ME3: variants seen among roughly 807,000 people sequenced by gnomAD.
ME3 encodes NADP-dependent malic enzyme, mitochondrial.
A neutral mutation model predicts 68.9 loss-of-function variants in ME3; 48 were observed. The ratio of observed to expected loss-of-function variants is 0.70; its 90% CI spans 0.55 to 0.89. The LOEUF is 0.89. Ranked by LOEUF, ME3 falls within the 40% of genes least tolerant of loss-of-function variation. ME3 has a pLI of 0.00. For missense variants in ME3, 675 were observed against 797.4 expected, an observed-to-expected ratio of 0.85 and a Z score of 1.85; for synonymous variants, 320 against 318.8, an observed-to-expected ratio of 1.00 and a Z score of -0.04.
intron 7 of ME3, among the ~76,000 whole-genome samples, chr11:86,481,781 G>C (rs1951424958): frequency 6.6e-6 from 1 of 152,146 alleles, no homozygotes; most frequent in African/African-American, 2.4e-5. Flanking sequence ...AGGATCAGCT[G>C]GCATGAGTGC....
intron 2 of ME3, among the ~76,000 whole-genome samples, chr11:86,617,951 A>G (rs1047828942): frequency 2.0e-5 from 3 of 152,190 alleles, no homozygotes; most frequent in South Asian, 4.1e-4. Context: ...ATAAATGAGC[A>G]TGGCCAGAAA....
intron 2 of ME3, among the ~76,000 whole-genome samples, chr11:86,604,916 C>T (rs953366543): frequency 6.6e-6 from 1 of 152,118 alleles, no homozygotes; most frequent in Non-Finnish European, 1.5e-5. Context: ...AGTGCATTCA[C>T]AATGGTTTCA....
intron 4 of ME3, among the ~76,000 whole-genome samples, chr11:86,527,641 G>A (rs1161441969): frequency 6.6e-6 from 1 of 152,216 alleles, no homozygotes; most frequent in Non-Finnish European, 1.5e-5. Context: ...AAGCCCATCA[G>A]ACTAACAGCT....
At chr11:86,553,354 G>A (rs1956785815) in intron 4 of ME3, among the ~76,000 whole-genome samples, 1 of 152,244 alleles carries the variant, frequency 6.6e-6, no homozygotes, top group African/African-American at 2.4e-5. Flanking sequence ...AACCTGGCAG[G>A]AGTGTTTATC....
chr11:86,538,786 A>T (rs1955855231), intron 4 of ME3, among the ~76,000 whole-genome samples: 1 of 152,092 alleles, frequency 6.6e-6, no homozygotes, highest in Admixed American at 6.6e-5. Context: ...GTGCATCATG[A>T]TCCCTGACCC....
chr11:86,529,032 C>A (rs1198650889), intron 4 of ME3, among the ~76,000 whole-genome samples: 2 of 151,860 alleles, frequency 1.3e-5, no homozygotes, highest in African/African-American at 4.8e-5. Context: ...GAGAGAGAGA[C>A]ACAAAAAACC....
chr11:86,617,048 T>TTTTTTTTG (rs1943014210), intron 2 of ME3, among the ~76,000 whole-genome samples: 9 of 45,614 alleles, frequency 2.0e-4, no homozygotes, highest in Non-Finnish European at 3.0e-4. Context: ...GATAGTAGTT[T>TTTTTTTTG]TTTTTTTTTT....
intron 2 of ME3, among the ~76,000 whole-genome samples, chr11:86,597,135 G>A (rs1026266348): frequency 6.6e-6 from 1 of 152,218 alleles, no homozygotes. Context: ...TCCCAGACTT[G>A]CGAATGACAT....
chr11:86,503,652 G>A (rs1389158628), intron 5 of ME3, among the ~76,000 whole-genome samples: 5 of 152,250 alleles, frequency 3.3e-5, no homozygotes, highest in African/African-American at 1.2e-4. Context: ...CTCTGACAAT[G>A]AGCACAGAGT....
At chr11:86,584,591 A>G (rs879780289) in intron 2 of ME3, among the ~76,000 whole-genome samples, 2 of 152,222 alleles carry the variant, frequency 1.3e-5, no homozygotes, top group Non-Finnish European at 2.9e-5. Flanking sequence ...GCATATACAT[A>G]AAATGGAATA....
intron 4 of ME3, among the ~76,000 whole-genome samples, chr11:86,525,876 AAAAG>A (rs941741574): frequency 6.6e-6 from 1 of 151,876 alleles, no homozygotes; most frequent in African/African-American, 2.4e-5. Context: ...AAAAAAAAAA[AAAAG>A]GAGAGGGTGG....
chr11:86,573,944 T>C (rs1489744050), intron 2 of ME3, among the ~76,000 whole-genome samples: 3 of 152,198 alleles, frequency 2.0e-5, no homozygotes, highest in African/African-American at 7.2e-5. Context: ...TATTGATTTA[T>C]GTATGTTGAA....
intron 4 of ME3, among the ~76,000 whole-genome samples, chr11:86,536,224 A>T (rs112578873): frequency 2.0e-5 from 3 of 152,052 alleles, no homozygotes; most frequent in African/African-American, 4.8e-5. Context: ...CATAGGCATG[A>T]GCAAGGACTT....
At chr11:86,567,549 T>A (rs1369210370) in intron 2 of ME3, among the ~76,000 whole-genome samples, 4 of 152,242 alleles carry the variant, frequency 2.6e-5, no homozygotes, top group African/African-American at 9.6e-5. Context: ...AATTATGACA[T>A]CATCTTTGTT....
At chr11:86,614,216 GT>G (rs1483861570) in intron 2 of ME3, among the ~76,000 whole-genome samples, 2 of 152,174 alleles carry the variant, frequency 1.3e-5, no homozygotes, top group Non-Finnish European at 2.9e-5. Context: ...ATTTGCCCCA[GT>G]CACTTATTGC....
At chr11:86,639,686 GCCT>G (rs1419100826) in intron 2 of ME3, among the ~76,000 whole-genome samples, 12 of 151,966 alleles carry the variant, frequency 7.9e-5, no homozygotes, top group African/African-American at 2.9e-4. Context: ...GAGCAGACAT[GCCT>G]CCTATTTTCT....
intron 2 of ME3, among the ~76,000 whole-genome samples, chr11:86,604,155 TAAG>T (rs1219905521): frequency 4.6e-5 from 7 of 151,354 alleles, no homozygotes; most frequent in Non-Finnish European, 8.9e-5. Context: ...TGGGTTGTGA[TAAG>T]AAGTTGTAGA....
At chr11:86,568,665 T>G (rs1439361134) in intron 2 of ME3, among the ~76,000 whole-genome samples, 1 of 152,246 alleles carries the variant, frequency 6.6e-6, no homozygotes, top group Non-Finnish European at 1.5e-5. Flanking sequence ...TGTCCCAGCC[T>G]TCTGCTCTTC....
intron 2 of ME3, among the ~76,000 whole-genome samples, chr11:86,582,003 A>C (rs1044147331): frequency 2.6e-5 from 4 of 152,232 alleles, no homozygotes; most frequent in Admixed American, 6.5e-5. Flanking sequence ...TGCCCCTGGA[A>C]TACACCTTTT....
Sources: allele counts gnomAD v4.1 joint callset (sites outside exome capture counted in the v4.1 genomes callset), GRCh38; gene constraint gnomAD v4.1.1; transcripts MANE v1.5; gene names NCBI Gene and HGNC (gene_info 2026-07-23, HGNC 2026-07-21).